The following MACROD2 variants were observed in gnomAD, a reference collection of about 807,000 sequenced individuals.
MACROD2 encodes mono-ADP ribosylhydrolase 2, also known as ADP-ribose glycohydrolase MACROD2.
A neutral mutation model predicts 70.4 loss-of-function variants in MACROD2; 36 were observed. That is an observed-to-expected ratio of 0.51 (90% CI 0.39 to 0.68). MACROD2 has a LOEUF of 0.68. MACROD2 is among the 30% of genes least tolerant of loss of function. MACROD2 has a pLI of 0.00. For synonymous variants in MACROD2, 172 were observed against 178.8 expected (o/e 0.96, Z 0.30); for missense variants, 496 against 538.4 (o/e 0.92, Z 0.78).
chr20:14,866,848 G>A (rs1209393402), intron 5 of MACROD2, among the ~76,000 whole-genome samples: 1 of 152,070 alleles, frequency 6.6e-6, no homozygotes, highest in Admixed American at 6.6e-5. Context: ...GGATAAATAT[G>A]CATTTGCTTT....
intron 3 of MACROD2, among the ~76,000 whole-genome samples, chr20:14,313,839 A>T (rs997603114): frequency 6.6e-5 from 10 of 152,212 alleles, no homozygotes; most frequent in African/African-American, 1.9e-4. Flanking sequence ...GAACAAAGGC[A>T]TGCTAATTTG....
At chr20:15,294,172 C>T (rs1410551613) in intron 6 of MACROD2, among the ~76,000 whole-genome samples, 2 of 149,676 alleles carry the variant, frequency 1.3e-5, no homozygotes, top group Non-Finnish European at 3.0e-5. Flanking sequence ...CTCTAGATTG[C>T]AACTTCTCTT....
At chr20:15,106,989 G>A (rs1187846365) in intron 5 of MACROD2, among the ~76,000 whole-genome samples, 9 of 88,020 alleles carry the variant, frequency 1.0e-4, no homozygotes, top group Non-Finnish European at 1.5e-4. Flanking sequence ...TGATTTATAT[G>A]TATATAATAT....
chr20:15,854,974 G>A (rs948775520), intron 8 of MACROD2, among the ~76,000 whole-genome samples: 6 of 152,182 alleles, frequency 3.9e-5, no homozygotes, highest in South Asian at 2.1e-4. Context: ...CATGAAGGCT[G>A]GGACTTAAGC....
chr20:14,536,208 C>T (rs2085361961), intron 4 of MACROD2, among the ~76,000 whole-genome samples: 2 of 152,002 alleles, frequency 1.3e-5, no homozygotes, highest in South Asian at 4.1e-4. Context: ...CCAGTGATCT[C>T]CATTTAATAT....
At chr20:14,118,908 C>T (rs1013714252) in intron 3 of MACROD2, among the ~76,000 whole-genome samples, 9 of 147,706 alleles carry the variant, frequency 6.1e-5, no homozygotes, top group South Asian at 2.1e-4. Context: ...TGCAATGGCG[C>T]GATCTCAGCT....
At chr20:14,836,094 C>T (rs2073026626) in intron 5 of MACROD2, among the ~76,000 whole-genome samples, 1 of 151,558 alleles carries the variant, frequency 6.6e-6, no homozygotes, top group South Asian at 2.1e-4. Flanking sequence ...AACAATCAAA[C>T]AAACAAAAAA....
chr20:15,288,520 A>C (rs989880474), intron 6 of MACROD2, among the ~76,000 whole-genome samples: 1 of 152,162 alleles, frequency 6.6e-6, no homozygotes, highest in African/African-American at 2.4e-5. Context: ...AGAAAGATCC[A>C]CCCTTATTAA....
intron 4 of MACROD2, among the ~76,000 whole-genome samples, chr20:14,542,356 A>G (rs932868677): frequency 1.3e-5 from 2 of 152,234 alleles, no homozygotes; most frequent in East Asian, 1.9e-4. Flanking sequence ...AGGAAAAACT[A>G]TGTTCTTTGT....
chr20:15,965,623 A>G (rs1338406102), intron 12 of MACROD2, among the ~76,000 whole-genome samples: 7 of 152,178 alleles, frequency 4.6e-5, no homozygotes, highest in Non-Finnish European at 1.0e-4. Context: ...AACTAAATCT[A>G]AAACACTTTC....
In MACROD2 at chr20:15,623,698, A is replaced by G. The variant is rs549952931; in HGVS notation, c.645+123851A>G. Among the ~76,000 whole-genome samples, 353 of 151,770 alleles carry G rather than the reference A, an allele frequency of 2.3e-3. 1 individual carries two copies. Among genetic ancestry groups the G allele is most frequent in the African/African-American group, 8.3e-3 (345 of 41,318 alleles). The stretch of plus-strand genomic sequence containing the variant: ...TATCTGCCTATCTATCTATCTATCT[A>G]TCTATCTATCTATCTATCTATCGAT... On this transcript the variant is annotated intron_variant, in intron 8 of 17. Transcript: ENST00000684519.
At chr20:15,881,962 G>A (rs2064760677) in intron 9 of MACROD2, among the ~76,000 whole-genome samples, 1 of 151,978 alleles carries the variant, frequency 6.6e-6, no homozygotes, top group Non-Finnish European at 1.5e-5. Context: ...CTCAGTAATA[G>A]CAATAATCAG....
At chr20:14,247,812 C>T (rs578242065) in intron 3 of MACROD2, among the ~76,000 whole-genome samples, 2 of 152,272 alleles carry the variant, frequency 1.3e-5, no homozygotes, top group African/African-American at 2.4e-5. Flanking sequence ...ATTCATGAGG[C>T]AGATGACTCT....
chr20:15,876,113 G>GTA (rs35970242), intron 9 of MACROD2, among the ~76,000 whole-genome samples: 3,006 of 20,442 alleles, frequency 0.15, 263 homozygotes, highest in South Asian at 0.41. Context: ...ATATATATAT[G>GTA]TGTGTATTTT....
At chr20:14,777,929 G>A (rs1373572644) in intron 5 of MACROD2, among the ~76,000 whole-genome samples, 2 of 151,960 alleles carry the variant, frequency 1.3e-5, no homozygotes, top group African/African-American at 2.4e-5. Flanking sequence ...TTATTTTAGG[G>A]AAAGTCACGC....
At position 14,045,463 on chromosome 20, in the gene MACROD2, C is replaced by G. The variant is rs566309495; in HGVS notation, c.164-40158C>G. ...GGTATGGGATTGTAATTTATACTACCTGCATAGTTTAGGAAACTGCAGACA... is the reference window on the plus strand; with the variant it reads ...GGTATGGGATTGTAATTTATACTACGTGCATAGTTTAGGAAACTGCAGACA... On this transcript the variant is annotated intron_variant, in intron 2 of 17. Transcript: ENST00000684519. Among the ~76,000 whole-genome samples, 3 of 152,298 alleles carry G rather than the reference C, an allele frequency of 2.0e-5. No homozygotes were observed. In the South Asian group the frequency reaches 6.2e-4, roughly 32 times the overall value.
At chr20:14,615,118 TG>T (rs1983400848) in intron 4 of MACROD2, among the ~76,000 whole-genome samples, 1 of 152,062 alleles carries the variant, frequency 6.6e-6, no homozygotes, top group African/African-American at 2.4e-5. Flanking sequence ...GCTCTGGGGC[TG>T]GGGTGACTCT....
At chr20:15,771,722 A>G (rs552549680) in intron 8 of MACROD2, among the ~76,000 whole-genome samples, 3 of 152,130 alleles carry the variant, frequency 2.0e-5, no homozygotes, top group African/African-American at 7.2e-5. Flanking sequence ...TGTTATTTGC[A>G]AGCTTTGACT....
At position 14,898,756 on chromosome 20, in the gene MACROD2, G is replaced by A. The variant is rs763104791; in HGVS notation, c.418+213797G>A. 7.2e-5 allele frequency among the ~76,000 whole-genome samples: 11 copies of A among 152,142 alleles called. No homozygotes were observed. In the South Asian group the frequency reaches 1.9e-3, roughly 26 times the overall value. ...TTGTACCATTCTCCAGAGATTCAACGTTCTAAGCAGAAACCTTTAGCTGGC... is the reference window on the plus strand; with the variant it reads ...TTGTACCATTCTCCAGAGATTCAACATTCTAAGCAGAAACCTTTAGCTGGC... On this transcript the variant is annotated intron_variant, in intron 5 of 17. Transcript: ENST00000684519.
Sources: allele counts gnomAD v4.1 joint callset (sites outside exome capture counted in the v4.1 genomes callset), GRCh38; gene constraint gnomAD v4.1.1; transcripts MANE v1.5; gene names NCBI Gene and HGNC (gene_info 2026-07-23, HGNC 2026-07-21).